Variants in MAP3K7 observed in about 807,000 individuals in gnomAD.
The protein encoded by MAP3K7 is TGF-beta activated kinase 1.
In MAP3K7, 21 loss-of-function variants were observed where a neutral mutation model predicts 84.8. That is an observed-to-expected ratio of 0.25 (90% CI 0.18 to 0.36). MAP3K7 has a LOEUF of 0.36. Ranked by LOEUF, MAP3K7 falls within the 10% of genes least tolerant of loss-of-function variation. The probability of loss-of-function intolerance (pLI) is 1.00; values close to 1 mark genes in which losing one functional copy is unlikely to be tolerated. For missense variants in MAP3K7, 503 were observed against 747.7 expected (o/e 0.67, Z 3.82); for synonymous variants, 241 against 247.7 (o/e 0.97, Z 0.25).
At chr6:90,538,413 T>A (rs563920577) in intron 12 of MAP3K7, among the ~76,000 whole-genome samples, 2 of 151,934 alleles carry the variant, frequency 1.3e-5, no homozygotes, top group Non-Finnish European at 2.9e-5. Context: ...CTTTGATATG[T>A]ACATACCTAT....
chr6:90,544,438 C>A, intron 12 of MAP3K7, 114 bp downstream of exon 12: 1 of 856,404 alleles, frequency 1.2e-6, no homozygotes, highest in Non-Finnish European at 2.0e-6. Flanking sequence ...TTACTGCATG[C>A]AAGGTATCCA....
intron 1 of MAP3K7, among the ~76,000 whole-genome samples, chr6:90,586,113 C>A (rs1055299191): frequency 6.6e-6 from 1 of 152,102 alleles, no homozygotes; most frequent in African/African-American, 2.4e-5. Flanking sequence ...TGGCTCACGC[C>A]TGTAATCCCA....
rs939984963 is a variant in MAP3K7 at position 90,515,654 on chromosome 6, C to T, written c.*847G>A. The T allele has an allele frequency of 1.3e-4, 19 of 150,926 alleles. No individual in the cohort carries two copies. The highest frequency in any genetic ancestry group is 2.1e-4 in the Non-Finnish European group (14 of 67,678). 9.3% of individuals were successfully genotyped at this position (150,926 alleles called of 1,614,324 possible). ...TTTTTCAAATACATGAGAAAACAAT[C>T]CAAGAATCACTGCAGGAAGAAATGA... On this transcript the variant is annotated 3_prime_UTR_variant, in exon 17 of 17. Transcript: ENST00000369329.
In MAP3K7 at chr6:90,542,270, G is replaced by A. The variant is rs1263232006; in HGVS notation, c.1291+2282C>T. 3.0e-6 allele frequency: 3 copies of A among 983,948 alleles called. No homozygotes were observed. In the African/African-American group the frequency reaches 5.3e-5, roughly 17 times the overall value. 61.0% of individuals were successfully genotyped at this position (983,948 alleles called of 1,614,324 possible). Reference sequence around the variant, plus strand: ...ATTACCTATGAGCACATTCATGATTGGCTTTTATGTCCACTAGTGTCAATT... The same window carrying A: ...ATTACCTATGAGCACATTCATGATTAGCTTTTATGTCCACTAGTGTCAATT... On this transcript the variant is annotated intron_variant, in intron 12 of 16. Transcript: ENST00000369329.
chr6:90,583,718 T>C (rs543287518), intron 1 of MAP3K7, among the ~76,000 whole-genome samples: 7 of 152,362 alleles, frequency 4.6e-5, no homozygotes, highest in South Asian at 4.1e-4. Context: ...AAATATATTA[T>C]GGCAGAATCA....
rs757655772 is a variant in MAP3K7 at position 90,516,639 on chromosome 6, C to T, written c.1683G>A (p.Gln561=). 6.2e-7 allele frequency: 1 copy of T among 1,610,662 alleles called. No homozygotes were observed. The highest frequency in any genetic ancestry group is 1.1e-5 in the South Asian group (1 of 90,494). ...VAELDQDEKD[Q]QNTSRLVQEH... ...CCTGTACCAGGCGAGATGTATTTTG[C>T]TGGTCCTTTTCATCCTGGTCCAGTT... Residue 561 remains glutamine, a synonymous_variant, in exon 17 of 17, where the codon CAG becomes CAA. Coordinates refer to ENST00000369329, the MANE Select transcript of MAP3K7 (RefSeq NM_145331.3).
intron 8 of MAP3K7, chr6:90,551,242 G>T (rs1039509203): frequency 2.6e-5 from 4 of 152,086 alleles, no homozygotes; most frequent in African/African-American, 9.7e-5. Flanking sequence ...CTTTGCGTAA[G>T]AAATTTTCAA....
At chr6:90,569,437 G>A (rs1403243428) in intron 2 of MAP3K7, among the ~76,000 whole-genome samples, 1 of 151,948 alleles carries the variant, frequency 6.6e-6, no homozygotes, top group Non-Finnish European at 1.5e-5. Context: ...GTCAATGAGG[G>A]GTTTGGCTAT....
Position 90,515,978 on chromosome 6 carries a change from G to A in MAP3K7, c.*523C>T, listed in dbSNP as rs754882671. 2.0e-4 allele frequency: 32 copies of A among 156,106 alleles called. No homozygotes were observed. The highest frequency in any genetic ancestry group is 1.4e-3 in the Admixed American group (21 of 15,478). 9.7% of individuals were successfully genotyped at this position (156,106 alleles called of 1,614,324 possible). ...GATGCTGGCATCAAAGCCCTTACAC[G>A]GAACTATCCCTAAAGGTTCCGTATT... On this transcript the variant is annotated 3_prime_UTR_variant, in exon 17 of 17. Coordinates refer to ENST00000369329, the MANE Select transcript of MAP3K7 (RefSeq NM_145331.3).
Position 90,584,135 on chromosome 6 carries a change from T to C in MAP3K7, c.120+2629A>G, listed in dbSNP as rs117787542. Among the ~76,000 whole-genome samples, 772 of 152,312 alleles carry C rather than the reference T, an allele frequency of 5.1e-3. 2 individuals are homozygous for C. The highest frequency in any genetic ancestry group is 7.7e-3 in the Non-Finnish European group (526 of 68,014). ...ATGATTTTCTTAATTTAGAAGGTAA[T>C]ATTCTCATACAATATAAAATATTGG... On this transcript the variant is annotated intron_variant, in intron 1 of 16. Transcript: ENST00000369329.
intron 13 of MAP3K7, among the ~76,000 whole-genome samples, chr6:90,533,020 T>C (rs1403011023): frequency 1.3e-5 from 2 of 152,204 alleles, no homozygotes; most frequent in African/African-American, 4.8e-5. Context: ...ACTGGCAGTA[T>C]AAGGAAGTAA....
At chr6:90,521,182 A>T (rs9345024) in intron 14 of MAP3K7, among the ~76,000 whole-genome samples, 4,101 of 152,088 alleles carry the variant, frequency 0.027, 69 homozygotes, top group Middle Eastern at 0.044. Context: ...TTTACACTAA[A>T]TTGATATTGA....
chr6:90,572,092 T>A (rs1303850779), intron 1 of MAP3K7, among the ~76,000 whole-genome samples: 2 of 151,380 alleles, frequency 1.3e-5, no homozygotes, highest in Non-Finnish European at 3.0e-5. Context: ...AGGAACAAAG[T>A]AAAGTGATTT....
In MAP3K7 at chr6:90,587,058, G is replaced by A; in HGVS notation, c.-175C>T. The A allele has an allele frequency of 4.1e-6, 3 of 727,112 alleles. No individual in the cohort carries two copies. The highest frequency in any genetic ancestry group is 4.0e-6 in the Non-Finnish European group (2 of 497,886). The allele number at this position is 727,112 out of a possible 1,614,324, so 45.0% of individuals were successfully genotyped here. On this transcript the variant is annotated 5_prime_UTR_variant, in exon 1 of 17. Coordinates refer to ENST00000369329, the MANE Select transcript of MAP3K7 (RefSeq NM_145331.3). Reference sequence around the variant, plus strand: ...CACAGCCGTGTCCGGCTCTGGCTCCGCTGCGTTTTCCGCCGACGGGCCCCG... The same window carrying A: ...CACAGCCGTGTCCGGCTCTGGCTCCACTGCGTTTTCCGCCGACGGGCCCCG...
At chr6:90,579,368 T>C (rs1777190961) in intron 1 of MAP3K7, among the ~76,000 whole-genome samples, 1 of 152,198 alleles carries the variant, frequency 6.6e-6, no homozygotes, top group Non-Finnish European at 1.5e-5. Context: ...TTAAGAGTTC[T>C]ATTTTAGCCT....
At chr6:90,520,474 G>C (rs933859894) in intron 14 of MAP3K7, among the ~76,000 whole-genome samples, 6 of 151,744 alleles carry the variant, frequency 4.0e-5, no homozygotes, top group Non-Finnish European at 8.8e-5. Context: ...GACCAAATGA[G>C]CCAGTGCATG....
At chr6:90,550,590 A>C (rs1455464050) in intron 8 of MAP3K7, 41 bp from the exon 9 acceptor site, 1 of 1,259,948 alleles carries the variant, frequency 7.9e-7, no homozygotes, top group East Asian at 2.3e-5. Context: ...AATTTCCTTA[A>C]TACAAATTAA....
chr6:90,541,868 T>C (rs1429928819), intron 12 of MAP3K7, among the ~76,000 whole-genome samples: 1 of 151,982 alleles, frequency 6.6e-6, no homozygotes, highest in East Asian at 1.9e-4. Flanking sequence ...AAAACCTTTT[T>C]TGTGATGCTT....
At chr6:90,555,221 G>A (rs1762521632) in intron 6 of MAP3K7, among the ~76,000 whole-genome samples, 2 of 151,806 alleles carry the variant, frequency 1.3e-5, no homozygotes. Context: ...ACATTTATTT[G>A]TAATTCTTAG....
Sources: gnomAD v4.1 joint callset for allele counts (sites outside exome capture counted in the v4.1 genomes callset) on GRCh38, gnomAD v4.1.1 for gene constraint, MANE v1.5 for transcripts, NCBI Gene and HGNC (gene_info 2026-07-23, HGNC 2026-07-21) for gene names.